The following GMDS variants were observed in gnomAD, a reference collection of about 807,000 sequenced individuals.
The protein encoded by GMDS is GDP-mannose 4,6-dehydratase.
GMDS carries 20 observed loss-of-function variants against 49.9 expected under a neutral mutation model. The observed-to-expected ratio is 0.40, with a 90% CI of 0.28 to 0.58. GMDS has a LOEUF of 0.58. Among genes scored for constraint, GMDS ranks in the 20% least tolerant of loss-of-function variants. The pLI, the probability that GMDS is intolerant of heterozygous loss-of-function variation, is 0.42. For synonymous variants in GMDS, 177 were observed against 178.6 expected (o/e 0.99, Z 0.07); for missense variants, 362 against 481.4 (o/e 0.75, Z 2.32).
chr6:1,820,371 G>A (rs568912512), intron 7 of GMDS, among the ~76,000 whole-genome samples: 32 of 152,226 alleles, frequency 2.1e-4, no homozygotes, highest in African/African-American at 7.7e-4. Context: ...AAAATTCCAG[G>A]AAAATAGTTT....
At chr6:1,832,966 G>A (rs1289995636) in intron 7 of GMDS, among the ~76,000 whole-genome samples, 4 of 151,990 alleles carry the variant, frequency 2.6e-5, no homozygotes, top group South Asian at 2.1e-4. Context: ...CAGGCCACAC[G>A]AGGAAGGAAG....
intron 7 of GMDS, among the ~76,000 whole-genome samples, chr6:1,829,537 C>A (rs1403166344): frequency 6.6e-6 from 1 of 152,178 alleles, no homozygotes; most frequent in African/African-American, 2.4e-5. Context: ...TGGGCTCACT[C>A]AGGTGATGCT....
At chr6:1,915,461 C>T (rs1328532768) in intron 7 of GMDS, among the ~76,000 whole-genome samples, 2 of 152,224 alleles carry the variant, frequency 1.3e-5, no homozygotes, top group Non-Finnish European at 2.9e-5. Flanking sequence ...AGGGCCGGCA[C>T]GGTGCAGGGC....
chr6:1,887,513 T>C (rs1000934289), intron 7 of GMDS, among the ~76,000 whole-genome samples: 1 of 152,180 alleles, frequency 6.6e-6, no homozygotes, highest in Non-Finnish European at 1.5e-5. Context: ...GTGTTTATAA[T>C]AACTGGATCC....
At chr6:2,093,362 T>C (rs1385475452) in intron 4 of GMDS, among the ~76,000 whole-genome samples, 1 of 152,182 alleles carries the variant, frequency 6.6e-6, no homozygotes, top group Non-Finnish European at 1.5e-5. Context: ...CTGTTTCTCG[T>C]AAAAGATGAA....
rs556056504 is a variant in GMDS, at chr6:1,891,208, T to A, written c.771+38895A>T. Among the ~76,000 whole-genome samples, 69 of 151,988 alleles carry A rather than the reference T, an allele frequency of 4.5e-4. 1 individual carries two copies. In the South Asian group the frequency reaches 0.01, roughly 22 times the overall value. On this transcript the variant is annotated intron_variant, in intron 7 of 10. Transcript: ENST00000380815. ...CATTTCTACAGGTTGTTTTCACTCA[T>A]CCTTTCCTTTCCATTTTCAGTGTCA... is the stretch of plus-strand genomic sequence containing the variant.
chr6:1,861,044 C>A (rs966744195), intron 7 of GMDS, among the ~76,000 whole-genome samples: 5 of 152,164 alleles, frequency 3.3e-5, no homozygotes, highest in Admixed American at 6.5e-5. Flanking sequence ...ACAGAGTTAC[C>A]GAAACAAGAT....
chr6:2,214,281 G>A (rs1237337667), intron 1 of GMDS, among the ~76,000 whole-genome samples: 1 of 152,072 alleles, frequency 6.6e-6, no homozygotes, highest in Non-Finnish European at 1.5e-5. Flanking sequence ...CATTTATTTT[G>A]CCTTTTCTAT....
intron 4 of GMDS, among the ~76,000 whole-genome samples, chr6:2,078,006 TTGGTAGA>T (rs2127465047): frequency 6.6e-6 from 1 of 152,268 alleles, no homozygotes; most frequent in East Asian, 1.9e-4. Context: ...AGATTCAAGC[TTGGTAGA>T]TGGTAGGTGT....
At chr6:2,125,170 G>A (rs1015742147) in intron 1 of GMDS, among the ~76,000 whole-genome samples, 12 of 152,204 alleles carry the variant, frequency 7.9e-5, no homozygotes, top group African/African-American at 2.9e-4. Flanking sequence ...AGGCACAGTT[G>A]CTCACACCTA....
chr6:1,737,049 T>C (rs998794300), intron 8 of GMDS, among the ~76,000 whole-genome samples: 2 of 152,160 alleles, frequency 1.3e-5, no homozygotes, highest in Admixed American at 1.3e-4. Context: ...CAGGAAACAG[T>C]GTCAAATGAA....
chr6:1,816,961 C>T (rs1366706706), intron 7 of GMDS, among the ~76,000 whole-genome samples: 2 of 151,282 alleles, frequency 1.3e-5, no homozygotes, highest in African/African-American at 4.9e-5. Context: ...TTTAACATTT[C>T]ATCGAGAAAA....
At chr6:1,674,850 C>T (rs908508990) in intron 9 of GMDS, among the ~76,000 whole-genome samples, 3 of 149,216 alleles carry the variant, frequency 2.0e-5, no homozygotes, top group African/African-American at 7.4e-5. Context: ...ATGGCTGGCC[C>T]TTCAAATAGA....
At chr6:2,095,271 C>T (rs1773530996) in intron 4 of GMDS, among the ~76,000 whole-genome samples, 1 of 152,126 alleles carries the variant, frequency 6.6e-6, no homozygotes, top group South Asian at 2.1e-4. Context: ...ACATCTTAAG[C>T]TTAATGACAC....
At chr6:2,074,572 A>C (rs1772211238) in intron 4 of GMDS, among the ~76,000 whole-genome samples, 1 of 152,130 alleles carries the variant, frequency 6.6e-6, no homozygotes, top group Non-Finnish European at 1.5e-5. Flanking sequence ...CTTAACCATA[A>C]AATCTTTGTC....
At chr6:1,719,953 A>C (rs1250956467) in intron 9 of GMDS, among the ~76,000 whole-genome samples, 1 of 152,230 alleles carries the variant, frequency 6.6e-6, no homozygotes, top group Admixed American at 6.5e-5. Context: ...CTTTATGGAA[A>C]AAAGGTACAG....
chr6:1,977,677 C>A (rs1290561559), intron 4 of GMDS, among the ~76,000 whole-genome samples: 1 of 152,116 alleles, frequency 6.6e-6, no homozygotes, highest in Non-Finnish European at 1.5e-5. Context: ...GGAACCCCCA[C>A]CCCCAGCCAA....
chr6:2,198,259 C>T (rs1171519915), intron 1 of GMDS, among the ~76,000 whole-genome samples: 1 of 152,156 alleles, frequency 6.6e-6, no homozygotes, highest in Non-Finnish European at 1.5e-5. Context: ...GATGCATATG[C>T]CTGTACACAT....
intron 7 of GMDS, among the ~76,000 whole-genome samples, chr6:1,857,284 G>A (rs1052188596): frequency 4.6e-5 from 7 of 152,188 alleles, no homozygotes; most frequent in Non-Finnish European, 8.8e-5. Flanking sequence ...CTGACAGTCC[G>A]TATGCTGCGT....
Sources: gnomAD v4.1 joint callset for allele counts (sites outside exome capture counted in the v4.1 genomes callset) on GRCh38, gnomAD v4.1.1 for gene constraint, MANE v1.5 for transcripts, NCBI Gene and HGNC (gene_info 2026-07-23, HGNC 2026-07-21) for gene names.